The following UBA2 variants were observed in gnomAD, a reference collection of about 807,000 sequenced individuals.
UBA2 encodes SUMO-activating enzyme subunit 2.
UBA2 carries 11 observed loss-of-function variants against 77.2 expected under a neutral mutation model. That is an observed-to-expected ratio of 0.14 (90% CI 0.09 to 0.24). UBA2 has a LOEUF of 0.24. Ranked by LOEUF, UBA2 falls within the 10% of genes least tolerant of loss-of-function variation. The probability of loss-of-function intolerance (pLI) is 1.00; values close to 1 mark genes in which losing one functional copy is unlikely to be tolerated. For synonymous variants in UBA2, 278 were observed against 276.7 expected (o/e 1.00, Z -0.05); for missense variants, 487 against 781.7 (o/e 0.62, Z 4.50).
intron 15 of UBA2, among the ~76,000 whole-genome samples, chr19:34,466,240 A>G (rs1414085086): frequency 2.0e-5 from 3 of 152,132 alleles, no homozygotes; most frequent in African/African-American, 7.2e-5. Context: ...AGGCTGAGGC[A>G]GAAGAATAGC....
At chr19:34,467,273 G>A (rs1291352737) in intron 16 of UBA2, among the ~76,000 whole-genome samples, 1 of 151,708 alleles carries the variant, frequency 6.6e-6, no homozygotes, top group Non-Finnish European at 1.5e-5. Flanking sequence ...TTGGAGAACA[G>A]CCTGGGCAAC....
intron 6 of UBA2, among the ~76,000 whole-genome samples, chr19:34,439,832 AAG>A (rs1555727909): frequency 6.6e-6 from 1 of 152,050 alleles, no homozygotes; most frequent in Non-Finnish European, 1.5e-5. Context: ...TGAAGAAAGA[AAG>A]AAAAAAAGAA....
At chr19:34,428,780 G>A (rs1275926920) in intron 1 of UBA2, 4 of 1,138,530 alleles carry the variant, frequency 3.5e-6, no homozygotes, top group Non-Finnish European at 4.4e-6. Flanking sequence ...TCGCTGGGCC[G>A]GCTCCGGACG....
rs527504553 is a variant in UBA2, at chr19:34,437,195, C to G, written c.460-1450C>G. ...CAGGCTGGTCTCAAACTCCTGACCT[C>G]AGGTGATCCGCCTGCCTTGGCCTCC... On this transcript the variant is annotated intron_variant, in intron 5 of 16. Transcript: ENST00000246548. 1.8e-4 allele frequency among the ~76,000 whole-genome samples: 27 copies of G among 151,886 alleles called. No homozygotes were observed. In the East Asian group the frequency reaches 5.1e-3, roughly 29 times the overall value.
At chr19:34,450,417 A>G (rs1299663285) in intron 9 of UBA2, 53 bp downstream of exon 9, 5 of 1,313,400 alleles carry the variant, frequency 3.8e-6, no homozygotes, top group Non-Finnish European at 5.3e-6. Context: ...ATCCTCGCGT[A>G]AAGTCTTTGT....
chr19:34,435,903 C>T (rs1231635619), intron 5 of UBA2, among the ~76,000 whole-genome samples: 5 of 151,638 alleles, frequency 3.3e-5, no homozygotes. Context: ...AGCGGATCAC[C>T]TGAGGTCAGG....
intron 1 of UBA2, 40 bp from the exon 2 acceptor site, chr19:34,430,536 G>A (rs746961066): frequency 1.8e-5 from 27 of 1,505,604 alleles, no homozygotes; most frequent in South Asian, 1.5e-4. Flanking sequence ...TCAAACATAC[G>A]TAAACGTTTG....
At chr19:34,450,700 C>T (rs2075483874) in intron 9 of UBA2, among the ~76,000 whole-genome samples, 1 of 150,014 alleles carries the variant, frequency 6.7e-6, no homozygotes, top group South Asian at 2.1e-4. Flanking sequence ...TTTGTATTTT[C>T]CCTGAAATAA....
At chr19:34,463,446 T>C (rs1217663007) in intron 14 of UBA2, among the ~76,000 whole-genome samples, 7 of 152,208 alleles carry the variant, frequency 4.6e-5, no homozygotes, top group Admixed American at 3.9e-4. Context: ...AACACCAAGA[T>C]GAAGGTGCTG....
intron 12 of UBA2, among the ~76,000 whole-genome samples, chr19:34,457,593 C>A (rs2075582349): frequency 1.3e-5 from 2 of 152,138 alleles, no homozygotes; most frequent in Non-Finnish European, 2.9e-5. Flanking sequence ...TTCCACCTAC[C>A]AGTATTCATT....
chr19:34,454,416 C>T, intron 11 of UBA2, 28 bp from the exon 12 acceptor site: 1 of 1,558,828 alleles, frequency 6.4e-7, no homozygotes, highest in Non-Finnish European at 8.7e-7. Context: ...AACAGTGAAA[C>T]ATACTCATCC....
Position 34,466,875 on chromosome 19 carries a change from C to T in UBA2, c.1605-3C>T. 6.2e-7 allele frequency: 1 copy of T among 1,612,290 alleles called. No homozygotes were observed. Reference sequence around the variant, plus strand: ...AGCAGTGACCTGTGTGATTCTCCTACAGTGAAGACCTAGGAAAGGACGTTG... The same window carrying T: ...AGCAGTGACCTGTGTGATTCTCCTATAGTGAAGACCTAGGAAAGGACGTTG... On this transcript the variant is annotated splice_region_variant and splice_polypyrimidine_tract_variant and intron_variant, in intron 15 of 16. Coordinates refer to ENST00000246548, the MANE Select transcript of UBA2 (RefSeq NM_005499.3).
At chr19:34,428,795 G>A (rs190951473) in intron 1 of UBA2, 11,587 of 1,152,396 alleles carry the variant, frequency 0.01, 74 homozygotes, top group Admixed American at 0.011. Flanking sequence ...CGGACGCCGA[G>A]GAGGCCGCGG....
At chr19:34,431,969 G>A in intron 3 of UBA2, 38 bp downstream of exon 3, 3 of 227,008 alleles carry the variant, frequency 1.3e-5, no homozygotes, top group Non-Finnish European at 2.1e-5. Context: ...TTGTATAAGG[G>A]TTTTGTAAGC....
At chr19:34,461,628 G>A (rs543748476) in intron 14 of UBA2, among the ~76,000 whole-genome samples, 20 of 152,318 alleles carry the variant, frequency 1.3e-4, no homozygotes, top group African/African-American at 4.1e-4. Flanking sequence ...CCTTCTGTAC[G>A]GAATACATGT....
chr19:34,462,776 G>C (rs1463373427), intron 14 of UBA2, among the ~76,000 whole-genome samples: 1 of 152,122 alleles, frequency 6.6e-6, no homozygotes, highest in Non-Finnish European at 1.5e-5. Context: ...GACCAGCCTG[G>C]CCAACATGGC....
chr19:34,459,713 G>T (rs1335453082), intron 13 of UBA2, among the ~76,000 whole-genome samples: 1 of 152,168 alleles, frequency 6.6e-6, no homozygotes, highest in Non-Finnish European at 1.5e-5. Context: ...TTCTCTGGTT[G>T]TGACCATCAT....
rs768873340 is a variant in UBA2 at position 34,430,560 on chromosome 19, G to A, written c.139-16G>A. ...CGTAAACGTTTGTCATTTATCTGGG[G>A]TTTATGCATTTGTAGATTGATCTGG... On this transcript the variant is annotated splice_polypyrimidine_tract_variant and intron_variant, in intron 1 of 16. Coordinates refer to ENST00000246548, the MANE Select transcript of UBA2 (RefSeq NM_005499.3). 4.7e-5 allele frequency: 76 copies of A among 1,600,186 alleles called. No homozygotes were observed. Among genetic ancestry groups the A allele is most frequent in the Non-Finnish European group, 2.6e-6 (3 of 1,168,662 alleles).
At chr19:34,441,218 G>A (rs974923961) in intron 6 of UBA2, among the ~76,000 whole-genome samples, 6 of 152,162 alleles carry the variant, frequency 3.9e-5, no homozygotes, top group Admixed American at 6.5e-5. Context: ...CACTTTGGGA[G>A]GCTGAGGCGA....
Sources: gnomAD v4.1 joint callset for allele counts (sites outside exome capture counted in the v4.1 genomes callset) on GRCh38, gnomAD v4.1.1 for gene constraint, MANE v1.5 for transcripts, NCBI Gene and HGNC (gene_info 2026-07-23, HGNC 2026-07-21) for gene names.